CHST9: variants seen among roughly 807,000 people sequenced by gnomAD.
CHST9 encodes GalNAc-4-sulfotransferase 2.
Under a neutral mutation model 44.4 loss-of-function variants are expected in CHST9, and 41 were observed. The observed-to-expected ratio is 0.92, with a 90% confidence interval of 0.72 to 1.20. The LOEUF (loss-of-function observed/expected upper bound fraction) is 1.20. Ranked by LOEUF, CHST9 falls within the 50% of genes most tolerant of loss-of-function variation. The pLI is 0.00. For synonymous variants in CHST9, 171 were observed against 178.4 expected, an observed-to-expected ratio of 0.96 and a Z score of 0.33; for missense variants, 504 against 516.5, an observed-to-expected ratio of 0.98 and a Z score of 0.23.
At chr18:26,943,427 G>A (rs994977600) in intron 5 of CHST9, among the ~76,000 whole-genome samples, 1 of 152,150 alleles carries the variant, frequency 6.6e-6, no homozygotes, top group Admixed American at 6.5e-5. Context: ...CTTTTGGAGT[G>A]CACTTAGAAG....
intron 3 of CHST9, 149 bp from the exon 4 acceptor site, chr18:27,024,306 T>C: frequency 1.6e-6 from 1 of 639,750 alleles, no homozygotes. Flanking sequence ...AAATAAAATG[T>C]GTCATCCCCT....
rs1292364462 is a variant in CHST9 at position 26,907,184 on chromosome 18, G to A, written c.*9075C>T. On this transcript the variant is annotated 3_prime_UTR_variant, in exon 6 of 6. Coordinates refer to ENST00000618847, the MANE Select transcript of CHST9 (RefSeq NM_031422.6). ...ATTAGCAGAATGGATGGGAGGAGAG[G>A]AGAAGCTTGAGAAAAAGTCAGGCAG... 1 of 152,620 alleles carries A rather than the reference G, an allele frequency of 6.6e-6. No individual in the cohort carries two copies. The highest frequency in any genetic ancestry group is 1.5e-5 in the Non-Finnish European group (1 of 68,166). The allele number at this position is 152,620 out of a possible 1,614,324, so 9.5% of individuals were successfully genotyped here.
At position 27,142,897 on chromosome 18, in the gene CHST9, T is replaced by A; in HGVS notation, c.-88A>T. 1 of 1,218,848 alleles carries A rather than the reference T, an allele frequency of 8.2e-7. No homozygotes were observed. Among genetic ancestry groups the A allele is most frequent in the Non-Finnish European group, 1.1e-6 (1 of 880,444 alleles). The allele number at this position is 1,218,848 out of a possible 1,614,324, so 75.5% of individuals were successfully genotyped here. A position where few individuals can be genotyped will look rare whatever the true frequency, so the allele number is the denominator to read the frequency against. On this transcript the variant is annotated 5_prime_UTR_variant, in exon 2 of 6. An upstream start codon of the reference 5' UTR is lost. Transcript: ENST00000618847. ...CTTGTTCTCTAAGAGCCCAATTCCA[T>A]AAAGTAACCTAGAATTTTAAAAAGA...
chr18:27,184,676 G>A (rs2058941636), intron 1 of CHST9, among the ~76,000 whole-genome samples: 2 of 152,132 alleles, frequency 1.3e-5, no homozygotes, highest in Admixed American at 1.3e-4. Context: ...TCGTCTTTCT[G>A]CCACACACCC....
At chr18:27,054,366 A>G (rs1285317537) in intron 2 of CHST9, among the ~76,000 whole-genome samples, 1 of 152,302 alleles carries the variant, frequency 6.6e-6, no homozygotes, top group East Asian at 1.9e-4. Flanking sequence ...ACATTAAAAT[A>G]TGGTTTGCAT....
chr18:27,079,726 G>GT (rs1555682041), intron 2 of CHST9, among the ~76,000 whole-genome samples: 1 of 152,188 alleles, frequency 6.6e-6, no homozygotes, highest in Non-Finnish European at 1.5e-5. Context: ...GGAGTCTACC[G>GT]TGAGTGGGCA....
At chr18:27,165,341 C>T (rs1243336155) in intron 1 of CHST9, among the ~76,000 whole-genome samples, 2 of 152,084 alleles carry the variant, frequency 1.3e-5, no homozygotes, top group Non-Finnish European at 2.9e-5. Flanking sequence ...ACAGCTAAAT[C>T]GTGGATAACA....
At chr18:27,156,449 G>T (rs2058699345) in intron 1 of CHST9, among the ~76,000 whole-genome samples, 1 of 152,050 alleles carries the variant, frequency 6.6e-6, no homozygotes, top group South Asian at 2.1e-4. Context: ...AGTTTTTCAT[G>T]TCAATTAAAT....
chr18:27,131,792 C>T (rs9949654), intron 2 of CHST9, among the ~76,000 whole-genome samples: 120,651 of 152,182 alleles, frequency 0.79, 48,068 homozygotes, highest in East Asian at 0.92. Context: ...CTGCAGGCCA[C>T]TAATCTTGCT....
intron 2 of CHST9, among the ~76,000 whole-genome samples, chr18:27,116,104 T>C (rs989422437): frequency 1.3e-5 from 2 of 152,178 alleles, no homozygotes; most frequent in African/African-American, 4.8e-5. Flanking sequence ...TCACTTTCTT[T>C]ATAGTGACCT....
At chr18:27,012,327 T>C (rs759750853) in intron 4 of CHST9, among the ~76,000 whole-genome samples, 5 of 151,916 alleles carry the variant, frequency 3.3e-5, no homozygotes, top group Non-Finnish European at 1.5e-5. Context: ...TTTAATGTTA[T>C]ATATGTTATA....
intron 1 of CHST9, among the ~76,000 whole-genome samples, chr18:27,155,299 T>C (rs550308531): frequency 1.4e-3 from 211 of 152,284 alleles, no homozygotes; most frequent in African/African-American, 4.6e-3. Context: ...AGCTACATTG[T>C]AGGTAATGAA....
Position 27,066,692 on chromosome 18 carries a change from A to T in CHST9, c.122-18189T>A, listed in dbSNP as rs531458077. Among the ~76,000 whole-genome samples, 4 of 152,294 alleles carry T rather than the reference A, an allele frequency of 2.6e-5. No individual in the cohort carries two copies. The East Asian group carries it at 7.7e-4, about 29-fold the overall frequency. On this transcript the variant is annotated intron_variant, in intron 2 of 5. Transcript: ENST00000618847. ...AATTATTTAATTAAGTGCCTTAACT[A>T]GTTGGTGATATTTTAGCATTTATAA... is the stretch of plus-strand genomic sequence containing the variant.
At chr18:26,977,425 TAA>T (rs34131355) in intron 4 of CHST9, among the ~76,000 whole-genome samples, 21,964 of 134,528 alleles carry the variant, frequency 0.16, 1,924 homozygotes, top group Non-Finnish European at 0.22. Context: ...AGGTCACTTG[TAA>T]AAAAAAAAAA....
intron 1 of CHST9, among the ~76,000 whole-genome samples, chr18:27,143,755 A>G (rs1348488691): frequency 6.6e-6 from 1 of 152,056 alleles, no homozygotes; most frequent in South Asian, 2.1e-4. Flanking sequence ...GAACACGTGG[A>G]TGCAGGGAGG....
chr18:27,182,159 C>CTA (rs933604934), intron 1 of CHST9, among the ~76,000 whole-genome samples: 1 of 151,926 alleles, frequency 6.6e-6, no homozygotes, highest in Non-Finnish European at 1.5e-5. Context: ...AGAGTATTTA[C>CTA]TATACATGGT....
In CHST9 at chr18:27,142,853, C is replaced by A. The variant is rs1163376930; in HGVS notation, c.-44G>T. The stretch of plus-strand genomic sequence containing the variant: ...CTGAAGACCACATGATTTGTTTTCC[C>A]GTAAAACTTCAGTCTTTTCTTGTTC... On this transcript the variant is annotated 5_prime_UTR_variant, in exon 2 of 6. Transcript: ENST00000618847. 5 of 1,546,780 alleles carry A rather than the reference C, an allele frequency of 3.2e-6. No homozygotes were observed. The highest frequency in any genetic ancestry group is 2.6e-5 in the South Asian group (2 of 77,460).
At chr18:27,153,952 C>G (rs1567940938) in intron 1 of CHST9, among the ~76,000 whole-genome samples, 3 of 152,072 alleles carry the variant, frequency 2.0e-5, no homozygotes, top group Admixed American at 6.6e-5. Flanking sequence ...CTCTGGCTGC[C>G]TTGATGGAAG....
At chr18:26,975,745 A>G (rs1434917313) in intron 4 of CHST9, among the ~76,000 whole-genome samples, 1 of 139,780 alleles carries the variant, frequency 7.2e-6, no homozygotes, top group African/African-American at 2.6e-5. Flanking sequence ...ATATATATAT[A>G]TATATATATA....
Sources: gnomAD v4.1 joint callset for allele counts (sites outside exome capture counted in the v4.1 genomes callset) on GRCh38, gnomAD v4.1.1 for gene constraint, MANE v1.5 for transcripts, NCBI Gene and HGNC (gene_info 2026-07-23, HGNC 2026-07-21) for gene names.